Variants in COL4A4 observed in about 807,000 individuals in gnomAD.
COL4A4 encodes the protein collagen type IV alpha 4 chain.
In COL4A4, 105 loss-of-function variants were observed where a neutral mutation model predicts 192.9. The observed-to-expected ratio is 0.54, with a 90% CI of 0.46 to 0.64. The LOEUF (loss-of-function observed/expected upper bound fraction) is 0.64. COL4A4 is among the 30% of genes least tolerant of loss of function. The pLI is 0.00. For missense variants in COL4A4, 1,967 were observed against 2,169.3 expected (o/e 0.91, Z 1.85); for synonymous variants, 762 against 769.9 (o/e 0.99, Z 0.17).
chr2:227,022,967 A>G (rs543518153), intron 43 of COL4A4, among the ~76,000 whole-genome samples: 1 of 152,306 alleles, frequency 6.6e-6, no homozygotes, highest in African/African-American at 2.4e-5. Context: ...CGATGATTCC[A>G]GTGTCCATTA....
chr2:227,129,547 T>C (rs983997369), intron 4 of COL4A4, among the ~76,000 whole-genome samples: 6 of 152,052 alleles, frequency 3.9e-5, no homozygotes, highest in African/African-American at 1.4e-4. Context: ...TAGCTGGGAT[T>C]ACAGGCGGCC....
At chr2:227,108,657 T>C in intron 11 of COL4A4, 35 bp from the exon 12 acceptor site, 1 of 1,612,502 alleles carries the variant, frequency 6.2e-7, no homozygotes, top group Non-Finnish European at 8.5e-7. Flanking sequence ...TAATTGCTTT[T>C]GAATTTTAAA....
At position 227,047,473 on chromosome 2, in the gene COL4A4, A is replaced by T; in HGVS notation, c.3289+2T>A. 1.2e-6 allele frequency: 2 copies of T among 1,611,220 alleles called. No homozygotes were observed. Among genetic ancestry groups the T allele is most frequent in the Non-Finnish European group, 1.7e-6 (2 of 1,177,496 alleles). On this transcript the variant is annotated splice_donor_variant, in intron 35 of 47. Coordinates refer to ENST00000396625, the MANE Select transcript of COL4A4 (RefSeq NM_000092.5). LOFTEE classifies it high-confidence loss of function. ...TTTAGTAAGAAAAATATGCAGCTAT[A>T]CCTGGACATCCAGGGCTACCTGGCT...
At chr2:227,150,669 G>A (rs540004326) in intron 1 of COL4A4, among the ~76,000 whole-genome samples, 1 of 152,270 alleles carries the variant, frequency 6.6e-6, no homozygotes, top group African/African-American at 2.4e-5. Flanking sequence ...ACTCATAGCA[G>A]AAGGCACCTC....
intron 1 of COL4A4, among the ~76,000 whole-genome samples, chr2:227,150,820 T>A (rs1450056368): frequency 6.6e-6 from 1 of 151,978 alleles, no homozygotes; most frequent in Non-Finnish European, 1.5e-5. Flanking sequence ...TATCTCCACC[T>A]GGTCCCACCC....
chr2:227,029,319 G>A (rs1967755642), intron 41 of COL4A4, among the ~76,000 whole-genome samples: 1 of 152,200 alleles, frequency 6.6e-6, no homozygotes, highest in East Asian at 1.9e-4. Flanking sequence ...TTGGTGACTA[G>A]AGTGTTAGCA....
At chr2:226,989,385 G>T in the COL4A4 span, among the ~76,000 whole-genome samples, 1 of 152,182 alleles carries the variant, frequency 6.6e-6, no homozygotes, top group East Asian at 1.9e-4. Context: ...GGGTAACGGG[G>T]TATAGTAACT....
chr2:226,982,991 A>G, the COL4A4 span, among the ~76,000 whole-genome samples: 1 of 150,486 alleles, frequency 6.6e-6, no homozygotes, highest in African/African-American at 2.5e-5. Context: ...TGAGCATAGC[A>G]TAACCTAGGA....
At chr2:227,118,385 C>G (rs951720587) in intron 7 of COL4A4, among the ~76,000 whole-genome samples, 2 of 152,142 alleles carry the variant, frequency 1.3e-5, no homozygotes, top group African/African-American at 4.8e-5. Flanking sequence ...TCAATCAGAT[C>G]ATGTTGCTTC....
At chr2:227,069,191 CA>C (rs1482964456) in intron 25 of COL4A4, among the ~76,000 whole-genome samples, 1 of 146,066 alleles carries the variant, frequency 6.8e-6, no homozygotes, top group Non-Finnish European at 1.5e-5. Flanking sequence ...AGGAGAACTA[CA>C]AACCACTGCT....
intron 25 of COL4A4, among the ~76,000 whole-genome samples, chr2:227,071,268 C>G (rs370513773): frequency 1.3e-5 from 2 of 151,962 alleles, no homozygotes; most frequent in African/African-American, 4.8e-5. Context: ...TCAGAAAAAA[C>G]AAACTTCAAA....
At chr2:227,016,489 A>G (rs1964888633) in intron 44 of COL4A4, among the ~76,000 whole-genome samples, 1 of 152,106 alleles carries the variant, frequency 6.6e-6, no homozygotes. Context: ...ACAGGCATTC[A>G]TTTACGTGTT....
the COL4A4 span, among the ~76,000 whole-genome samples, chr2:226,985,455 G>T: frequency 2.0e-5 from 3 of 152,228 alleles, no homozygotes; most frequent in Non-Finnish European, 2.9e-5. Flanking sequence ...GATGCGGAAT[G>T]CTTTGTTGAC....
chr2:227,150,520 T>A (rs574880543), intron 1 of COL4A4, among the ~76,000 whole-genome samples: 4 of 152,282 alleles, frequency 2.6e-5, no homozygotes, highest in Admixed American at 6.5e-5. Flanking sequence ...ATAATAAAAA[T>A]TTTTTAACTA....
At chr2:227,061,709 CAAA>C (rs758587142) in intron 26 of COL4A4, among the ~76,000 whole-genome samples, 1 of 151,960 alleles carries the variant, frequency 6.6e-6, no homozygotes, top group Non-Finnish European at 1.5e-5. Flanking sequence ...TCTAAAGAAA[CAAA>C]GAAGAGTTAG....
rs542944163 is a variant in COL4A4 at position 227,035,948 on chromosome 2, TA to T, written c.3506-2468del. 1.7e-3 allele frequency among the ~76,000 whole-genome samples: 257 copies of T among 152,346 alleles called. 6 individuals carry two copies. Among genetic ancestry groups the T allele is most frequent in the East Asian group, 0.011 (59 of 5,184 alleles). On this transcript the variant is annotated intron_variant, in intron 37 of 47. Coordinates refer to ENST00000396625, the MANE Select transcript of COL4A4 (RefSeq NM_000092.5). ...CTTATCTGACCCAATGTTATCGTTC[TA>T]AATTGAATGCAGCTACATCTGAGTA...
At position 227,120,051 on chromosome 2, in the gene COL4A4, T is replaced by C. The variant is rs2125020718; in HGVS notation, c.328-112A>G. ...ATCTTTAAACATGCTGAGCAGTCAT[T>C]GTCACCTATTTTTTACATGATGAGT... On this transcript the variant is annotated intron_variant, in intron 5 of 47. Coordinates refer to ENST00000396625, the MANE Select transcript of COL4A4 (RefSeq NM_000092.5). The C allele has an allele frequency of 6.6e-6, 5 of 756,988 alleles. No individual in the cohort carries two copies. In the South Asian group the frequency reaches 1.3e-4, roughly 20 times the overall value. The allele number at this position is 756,988 out of a possible 1,614,324, so 46.9% of individuals were successfully genotyped here. A position where few individuals can be genotyped will look rare whatever the true frequency, so the allele number is the denominator to read the frequency against.
intron 24 of COL4A4, 141 bp from the exon 25 acceptor site, chr2:227,078,218 A>G: frequency 2.9e-6 from 2 of 698,652 alleles, no homozygotes; most frequent in South Asian, 3.9e-5. Flanking sequence ...AGTTTAAAAT[A>G]AATAACTTAG....
chr2:226,989,295 C>T, the COL4A4 span, among the ~76,000 whole-genome samples: 6 of 152,142 alleles, frequency 3.9e-5, no homozygotes, highest in African/African-American at 7.2e-5. Flanking sequence ...ACTCACAAGG[C>T]ATACATATTG....
Sources: allele counts gnomAD v4.1 joint callset (sites outside exome capture counted in the v4.1 genomes callset), GRCh38; gene constraint gnomAD v4.1.1; transcripts MANE v1.5; gene names NCBI Gene and HGNC (gene_info 2026-07-23, HGNC 2026-07-21).